Variants in FTO observed in about 807,000 individuals in gnomAD.
The protein encoded by FTO is FTO alpha-ketoglutarate dependent dioxygenase.
In FTO, 47 loss-of-function variants were observed where a neutral mutation model predicts 63.9. The ratio of observed to expected loss-of-function variants is 0.74; its 90% CI spans 0.58 to 0.94. FTO has a LOEUF of 0.94. Among genes scored for constraint, FTO ranks in the 40% least tolerant of loss-of-function variants. The pLI, the probability that FTO is intolerant of heterozygous loss-of-function variation, is 0.00. For synonymous variants in FTO, 207 were observed against 224.4 expected, an observed-to-expected ratio of 0.92 and a Z score of 0.69; for missense variants, 562 against 618.1, an observed-to-expected ratio of 0.91 and a Z score of 0.96.
rs564182542 is a variant in FTO at position 53,704,344 on chromosome 16, A to G, written c.45+115A>G. 13 of 1,028,432 alleles carry G rather than the reference A, an allele frequency of 1.3e-5. No individual in the cohort carries two copies. In the East Asian group the frequency reaches 1.8e-4, roughly 14 times the overall value. 63.7% of individuals were successfully genotyped at this position (1,028,432 alleles called of 1,614,324 possible). On this transcript the variant is annotated intron_variant, in intron 1 of 8. Coordinates refer to ENST00000471389, the MANE Select transcript of FTO (RefSeq NM_001080432.3). ...GCGCGGTGTTAAACTAAGGGATGAC[A>G]GGGCCTTGTCAGCAAGGGACCTGGA... is the stretch of plus-strand genomic sequence containing the variant.
chr16:53,756,492 G>T (rs1414313588), intron 1 of FTO, among the ~76,000 whole-genome samples: 1 of 152,134 alleles, frequency 6.6e-6, no homozygotes, highest in African/African-American at 2.4e-5. Flanking sequence ...TTGGTTTCCG[G>T]CCATAAAGTT....
chr16:53,957,434 A>T (rs968933296), intron 8 of FTO, among the ~76,000 whole-genome samples: 1 of 152,326 alleles, frequency 6.6e-6, no homozygotes, highest in Admixed American at 6.5e-5. Context: ...CTAGAAAATG[A>T]TTACCATTGG....
At chr16:53,970,879 C>T (rs1463801858) in intron 8 of FTO, among the ~76,000 whole-genome samples, 1 of 152,114 alleles carries the variant, frequency 6.6e-6, no homozygotes, top group East Asian at 1.9e-4. Context: ...CTAGTTTGCA[C>T]ACACTTATAT....
At chr16:53,749,078 T>C (rs8064203) in intron 1 of FTO, among the ~76,000 whole-genome samples, 7,369 of 152,324 alleles carry the variant, frequency 0.048, 344 homozygotes, top group African/African-American at 0.12. Context: ...GTAGCTATTT[T>C]AAATGGGATT....
intron 7 of FTO, among the ~76,000 whole-genome samples, chr16:53,924,175 G>T (rs966153862): frequency 2.6e-5 from 4 of 152,122 alleles, no homozygotes; most frequent in Non-Finnish European, 4.4e-5. Flanking sequence ...AGCATTTTGT[G>T]TATGCTGAGC....
At chr16:54,013,821 T>C (rs2084379336) in intron 8 of FTO, among the ~76,000 whole-genome samples, 1 of 152,244 alleles carries the variant, frequency 6.6e-6, no homozygotes, top group Non-Finnish European at 1.5e-5. Context: ...AAAACATAAT[T>C]TTTATATGCA....
At chr16:53,951,240 C>A (rs1363393181) in intron 8 of FTO, among the ~76,000 whole-genome samples, 1 of 152,148 alleles carries the variant, frequency 6.6e-6, no homozygotes, top group Non-Finnish European at 1.5e-5. Flanking sequence ...CAAGCTACCC[C>A]CCAACACAAT....
rs1440734755 is a variant in FTO at position 53,711,603 on chromosome 16, C to T, written c.45+7374C>T. On this transcript the variant is annotated intron_variant, in intron 1 of 8. Transcript: ENST00000471389. ...CTTATGAGAGGCCTGGGATTCCTTA[C>T]GGGGTTTTTCAGAAACATTAAAACT... 3.5e-5 allele frequency: 14 copies of T among 395,600 alleles called. No individual in the cohort carries two copies. In the South Asian group the frequency reaches 8.4e-4, roughly 24 times the overall value. The allele number at this position is 395,600 out of a possible 1,614,324, so 24.5% of individuals were successfully genotyped here. A position where few individuals can be genotyped will look rare whatever the true frequency, so the allele number is the denominator to read the frequency against.
At chr16:54,036,732 TA>T (rs1361675850) in intron 8 of FTO, among the ~76,000 whole-genome samples, 1 of 152,216 alleles carries the variant, frequency 6.6e-6, no homozygotes, top group African/African-American at 2.4e-5. Flanking sequence ...TTCTCTTCCA[TA>T]AATGGAGGCA....
At chr16:53,999,015 C>A (rs1222416975) in intron 8 of FTO, among the ~76,000 whole-genome samples, 1 of 152,108 alleles carries the variant, frequency 6.6e-6, no homozygotes. Context: ...CATAACAGAA[C>A]CCTTAGATTT....
chr16:54,115,478 G>A lies in FTO; in HGVS notation c.*3563G>A, dbSNP rs2086968118. 6.6e-6 allele frequency: 1 copy of A among 152,330 alleles called. No homozygotes were observed. The highest frequency in any genetic ancestry group is 1.5e-5 in the Non-Finnish European group (1 of 68,150). The allele number at this position is 152,330 out of a possible 1,614,324, so 9.4% of individuals were successfully genotyped here. ...TCCAGATGGTTGTAAGTGCCAGGAA[G>A]GGAACCAACTGGGAGAGGGACAAGA... On this transcript the variant is annotated 3_prime_UTR_variant, in exon 9 of 9. Transcript: ENST00000471389.
intron 8 of FTO, among the ~76,000 whole-genome samples, chr16:54,049,743 G>T (rs2085270263): frequency 6.6e-6 from 1 of 152,248 alleles, no homozygotes; most frequent in Admixed American, 6.5e-5. Context: ...GCAAAGGGAA[G>T]AGGGAGGGCA....
At chr16:53,931,038 T>A (rs2082268465) in intron 7 of FTO, among the ~76,000 whole-genome samples, 1 of 152,240 alleles carries the variant, frequency 6.6e-6, no homozygotes, top group Non-Finnish European at 1.5e-5. Flanking sequence ...TGTGAAACTT[T>A]CTTTCTTACA....
intron 3 of FTO, among the ~76,000 whole-genome samples, chr16:53,830,400 G>T (rs909232013): frequency 2.0e-5 from 3 of 152,134 alleles, no homozygotes; most frequent in Admixed American, 2.0e-4. Flanking sequence ...GTTTAATATG[G>T]TCCAGCACCT....
At chr16:54,072,716 G>A (rs753309497) in intron 8 of FTO, among the ~76,000 whole-genome samples, 3 of 152,044 alleles carry the variant, frequency 2.0e-5, no homozygotes, top group South Asian at 2.1e-4. Context: ...TTTGTGCCCC[G>A]CCCCATCCTC....
At chr16:53,923,791 G>A (rs944869803) in intron 7 of FTO, among the ~76,000 whole-genome samples, 2 of 151,892 alleles carry the variant, frequency 1.3e-5, no homozygotes, top group African/African-American at 4.8e-5. Flanking sequence ...CATTGCCCCA[G>A]CATCCGAGCT....
At chr16:53,911,161 T>C in intron 7 of FTO, 1 of 544,468 alleles carries the variant, frequency 1.8e-6, no homozygotes, top group East Asian at 2.9e-5. Flanking sequence ...CAGTGTTCTC[T>C]CATATGTTAA....
intron 8 of FTO, among the ~76,000 whole-genome samples, chr16:54,052,058 C>T (rs182328802): frequency 1.4e-4 from 22 of 152,250 alleles, no homozygotes; most frequent in East Asian, 7.7e-4. Flanking sequence ...TTATTCTCAC[C>T]GATAATAGCA....
chr16:54,005,632 C>A (rs1162623089), intron 8 of FTO, among the ~76,000 whole-genome samples: 1 of 151,996 alleles, frequency 6.6e-6, no homozygotes, highest in African/African-American at 2.4e-5. Flanking sequence ...CCAAGCTTAC[C>A]CAACTAGCTC....
Sources: gnomAD v4.1 joint callset for allele counts (sites outside exome capture counted in the v4.1 genomes callset) on GRCh38, gnomAD v4.1.1 for gene constraint, MANE v1.5 for transcripts, NCBI Gene and HGNC (gene_info 2026-07-23, HGNC 2026-07-21) for gene names.